The following PLXNA4 variants were observed in gnomAD, a reference collection of about 807,000 sequenced individuals.
PLXNA4 encodes the protein plexin A4.
PLXNA4 carries 44 observed loss-of-function variants against 191.8 expected under a neutral mutation model. That is an observed-to-expected ratio of 0.23 (90% CI 0.18 to 0.29). PLXNA4 has a LOEUF of 0.29. Ranked by LOEUF, PLXNA4 falls within the 10% of genes least tolerant of loss-of-function variation. PLXNA4 has a pLI of 1.00. For synonymous variants in PLXNA4, 1,082 were observed against 1,009.5 expected (o/e 1.07, Z -1.36); for missense variants, 1,800 against 2,488.8 (o/e 0.72, Z 5.89).
intron 20 of PLXNA4, among the ~76,000 whole-genome samples, chr7:132,175,672 T>C (rs113746122): frequency 3.0e-4 from 45 of 152,290 alleles, no homozygotes; most frequent in African/African-American, 9.6e-4. Flanking sequence ...GGCTGTTACA[T>C]AGCACCAAAG....
At chr7:132,422,605 G>T (rs887097047) in intron 3 of PLXNA4, among the ~76,000 whole-genome samples, 14 of 152,124 alleles carry the variant, frequency 9.2e-5, no homozygotes, top group Non-Finnish European at 1.9e-4. Flanking sequence ...CCTGGCTCTC[G>T]GTCCCCTTCT....
At chr7:132,429,512 G>C (rs1795181975) in intron 3 of PLXNA4, among the ~76,000 whole-genome samples, 1 of 152,328 alleles carries the variant, frequency 6.6e-6, no homozygotes, top group African/African-American at 2.4e-5. Context: ...AAGCATGGCT[G>C]TGTTCTAGCA....
intron 3 of PLXNA4, among the ~76,000 whole-genome samples, chr7:132,323,731 A>T (rs370997684): frequency 1.9e-4 from 29 of 152,204 alleles, no homozygotes; most frequent in African/African-American, 6.5e-4. Flanking sequence ...ATCTGAACCC[A>T]AGATTGAGAA....
At chr7:132,167,413 G>A (rs560202001) in intron 22 of PLXNA4, among the ~76,000 whole-genome samples, 12 of 152,196 alleles carry the variant, frequency 7.9e-5, no homozygotes, top group Non-Finnish European at 1.8e-4. Context: ...CATCACCAAA[G>A]GACTTTCCTT....
chr7:132,435,181 T>A (rs1443829821), intron 3 of PLXNA4, among the ~76,000 whole-genome samples: 1 of 152,086 alleles, frequency 6.6e-6, no homozygotes, highest in African/African-American at 2.4e-5. Context: ...AATGGTGGCA[T>A]CATGGAGCCG....
chr7:132,180,523 C>T, intron 19 of PLXNA4, 63 bp downstream of exon 19: 1 of 1,597,522 alleles, frequency 6.3e-7, no homozygotes, highest in Non-Finnish European at 8.6e-7. Flanking sequence ...GCCTTGGTGG[C>T]CTGAGCTCAC....
intron 3 of PLXNA4, among the ~76,000 whole-genome samples, chr7:132,335,948 C>G (rs1236556896): frequency 1.3e-5 from 2 of 152,234 alleles, no homozygotes; most frequent in Non-Finnish European, 2.9e-5. Context: ...ACCAGAGTTG[C>G]TGGGCTACTG....
intron 1 of PLXNA4, among the ~76,000 whole-genome samples, chr7:132,517,944 C>T (rs189249199): frequency 6.6e-6 from 1 of 152,178 alleles, no homozygotes; most frequent in African/African-American, 2.4e-5. Context: ...ATTTGTAATC[C>T]GTGCATTCAA....
At chr7:132,405,753 G>T (rs1320277318) in intron 3 of PLXNA4, among the ~76,000 whole-genome samples, 1 of 152,192 alleles carries the variant, frequency 6.6e-6, no homozygotes, top group Non-Finnish European at 1.5e-5. Context: ...AGAGCATCTG[G>T]ATTCCTTAGA....
At chr7:132,392,977 C>T (rs960691509) in intron 3 of PLXNA4, among the ~76,000 whole-genome samples, 6 of 152,178 alleles carry the variant, frequency 3.9e-5, no homozygotes, top group African/African-American at 1.4e-4. Context: ...CACGAAGGCG[C>T]TTCACAGCTT....
At chr7:132,227,777 G>A (rs1374522984) in intron 6 of PLXNA4, among the ~76,000 whole-genome samples, 173 bp from the exon 7 acceptor site, 1 of 152,204 alleles carries the variant, frequency 6.6e-6, no homozygotes, top group Non-Finnish European at 1.5e-5. Flanking sequence ...GTGGCACAGA[G>A]GCCGTGGTGA....
chr7:132,643,940 C>A (rs767219856), intron 2 of PLXNA4, among the ~76,000 whole-genome samples: 1 of 151,764 alleles, frequency 6.6e-6, no homozygotes, highest in African/African-American at 2.4e-5. Flanking sequence ...TGAAAGGAGA[C>A]CCTGTCTCTT....
chr7:132,235,241 G>A (rs139507919), intron 5 of PLXNA4, among the ~76,000 whole-genome samples: 1 of 152,350 alleles, frequency 6.6e-6, no homozygotes, highest in African/African-American at 2.4e-5. Context: ...CAGGCATGAG[G>A]ACCTGCTGCA....
chr7:132,536,722 T>C (rs1799850061), intron 1 of PLXNA4, among the ~76,000 whole-genome samples: 1 of 152,218 alleles, frequency 6.6e-6, no homozygotes, highest in African/African-American at 2.4e-5. Context: ...CACGGAGCTA[T>C]GCCTGGTCCA....
At chr7:132,274,279 T>C (rs769265108) in intron 4 of PLXNA4, among the ~76,000 whole-genome samples, 11 of 151,414 alleles carry the variant, frequency 7.3e-5, no homozygotes, top group Non-Finnish European at 1.6e-4. Flanking sequence ...TATATATATA[T>C]ATATGTATAT....
chr7:132,164,000 G>A lies in PLXNA4; in HGVS notation c.4500+142C>T, dbSNP rs988184730. 5.2e-6 allele frequency: 7 copies of A among 1,352,688 alleles called. No homozygotes were observed. In the African/African-American group the frequency reaches 1.0e-4, roughly 20 times the overall value. 83.8% of individuals were successfully genotyped at this position (1,352,688 alleles called of 1,614,324 possible). A position where few individuals can be genotyped will look rare whatever the true frequency, so the allele number is the denominator to read the frequency against. ...AAGTCTGGGGTGATGGACACAGCGG[G>A]AGCACCTGGCTGGGCCCACACAGCA... On this transcript the variant is annotated intron_variant, in intron 24 of 31. Transcript: ENST00000321063.
chr7:132,137,133 T>A (rs1016841499), intron 30 of PLXNA4, among the ~76,000 whole-genome samples: 21 of 152,252 alleles, frequency 1.4e-4, no homozygotes, highest in African/African-American at 3.6e-4. Context: ...CTCTAGACTA[T>A]ATCTTGCTCC....
chr7:132,216,811 G>C (rs1359901033), intron 9 of PLXNA4, among the ~76,000 whole-genome samples: 2 of 152,206 alleles, frequency 1.3e-5, no homozygotes, highest in African/African-American at 4.8e-5. Context: ...TTTATCCACA[G>C]ATGATGATCC....
At chr7:132,144,612 A>C (rs1795365082) in intron 29 of PLXNA4, among the ~76,000 whole-genome samples, 1 of 152,188 alleles carries the variant, frequency 6.6e-6, no homozygotes, top group Admixed American at 6.5e-5. Flanking sequence ...CTTGCAAGTC[A>C]CTGTTAGACA....
Sources: allele counts gnomAD v4.1 joint callset (sites outside exome capture counted in the v4.1 genomes callset), GRCh38; gene constraint gnomAD v4.1.1; transcripts MANE v1.5; gene names NCBI Gene and HGNC (gene_info 2026-07-23, HGNC 2026-07-21).